Variants in SMAD2 observed in about 807,000 individuals in gnomAD.
SMAD2 encodes SMAD family member 2, also known as MAD homolog 2.
Under a neutral mutation model 64.4 loss-of-function variants are expected in SMAD2, and 8 were observed. That is an observed-to-expected ratio of 0.12 (90% CI 0.07 to 0.22). The LOEUF (loss-of-function observed/expected upper bound fraction) is 0.22, where lower values mean the gene tolerates loss of function less well. Among genes scored for constraint, SMAD2 ranks in the 10% least tolerant of loss-of-function variants. The pLI, the probability that SMAD2 is intolerant of heterozygous loss-of-function variation, is 1.00. For synonymous variants in SMAD2, 203 were observed against 195.8 expected, an observed-to-expected ratio of 1.04 and a Z score of -0.31; for missense variants, 289 against 561.2, an observed-to-expected ratio of 0.51 and a Z score of 4.90.
At chr18:47,913,123 AT>A (rs1167122392) in intron 1 of SMAD2, among the ~76,000 whole-genome samples, 2 of 152,006 alleles carry the variant, frequency 1.3e-5, no homozygotes, top group African/African-American at 4.8e-5. Flanking sequence ...GTTTCACCAT[AT>A]TGGCCAGGCT....
At position 47,816,046 on chromosome 18, in the gene SMAD2, G is replaced by A. The variant is rs530053592; in HGVS notation, c.*25781C>T. 6.6e-6 allele frequency: 1 copy of A among 152,308 alleles called. No homozygotes were observed. The highest frequency in any genetic ancestry group is 1.9e-4 in the East Asian group (1 of 5,176). 9.4% of individuals were successfully genotyped at this position (152,308 alleles called of 1,614,324 possible). On this transcript the variant is annotated 3_prime_UTR_variant, in exon 11 of 11. Transcript: ENST00000262160. The stretch of plus-strand genomic sequence containing the variant: ...GTGAGGGAGGAGGTTGAGAATGAAA[G>A]TTCTGGAGAGTCACCTAAGAGACGG...
chr18:47,900,984 A>G (rs2033660536), intron 1 of SMAD2, among the ~76,000 whole-genome samples: 1 of 152,176 alleles, frequency 6.6e-6, no homozygotes, highest in Non-Finnish European at 1.5e-5. Context: ...GCCCTAGCTT[A>G]TGGTCAATTC....
chr18:47,894,813 T>C lies in SMAD2; in HGVS notation c.236+1708A>G, dbSNP rs574982074. On this transcript the variant is annotated intron_variant, in intron 2 of 10. Transcript: ENST00000262160. ...AGTGAGGAAGAGCACACCAGGCACA[T>C]AGTGGGCATATGATAAATGGTTACC... Among the ~76,000 whole-genome samples the C allele has an allele frequency of 4.9e-4, 74 of 152,298 alleles. 1 individual carries two copies. In the South Asian group the frequency reaches 7.9e-3, roughly 16 times the overall value.
At chr18:47,911,578 T>C (rs1019545462) in intron 1 of SMAD2, among the ~76,000 whole-genome samples, 6 of 152,182 alleles carry the variant, frequency 3.9e-5, no homozygotes, top group African/African-American at 1.4e-4. Flanking sequence ...AATACTGCAT[T>C]GGCAACCTTG....
Position 47,841,166 on chromosome 18 carries a change from AC to A in SMAD2, c.*660del, listed in dbSNP as rs1913919509. On this transcript the variant is annotated 3_prime_UTR_variant, in exon 11 of 11. Transcript: ENST00000262160. ...CAGTTAAAAAAAAAAACAAAAAAAA[AC>A]AAAAAACCACAAAAAGAATGACTGT... 4.3e-6 allele frequency: 1 copy of A among 231,442 alleles called. No individual in the cohort carries two copies. Among genetic ancestry groups the A allele is most frequent in the South Asian group, 1.8e-4 (1 of 5,498 alleles). 14.3% of individuals were successfully genotyped at this position (231,442 alleles called of 1,614,324 possible).
chr18:47,915,194 T>A lies in SMAD2; in HGVS notation c.-54+15167A>T, dbSNP rs545672398. On this transcript the variant is annotated intron_variant, in intron 1 of 10. Transcript: ENST00000262160. Reference sequence around the variant, plus strand: ...CTAAAGCCCCCTATGTATTCCTCTTTGATAACATTTCCCTCCCTCTTGCTT... The same window carrying A: ...CTAAAGCCCCCTATGTATTCCTCTTAGATAACATTTCCCTCCCTCTTGCTT... 6.6e-5 allele frequency among the ~76,000 whole-genome samples: 10 copies of A among 152,344 alleles called. No homozygotes were observed. The South Asian group carries it at 2.1e-3, about 32-fold the overall frequency.
chr18:47,909,892 T>C (rs918194452), intron 1 of SMAD2, among the ~76,000 whole-genome samples: 6 of 152,216 alleles, frequency 3.9e-5, no homozygotes, highest in Admixed American at 3.9e-4. Flanking sequence ...ATTAATAACA[T>C]CTCTAAATCA....
chr18:47,897,629 T>C (rs534125707), intron 1 of SMAD2, among the ~76,000 whole-genome samples: 1 of 152,322 alleles, frequency 6.6e-6, no homozygotes, highest in Admixed American at 6.5e-5. Flanking sequence ...TATCTTGAAA[T>C]TATTTTTTTA....
intron 1 of SMAD2, among the ~76,000 whole-genome samples, chr18:47,929,470 ATT>A: frequency 6.6e-6 from 1 of 152,362 alleles, no homozygotes; most frequent in South Asian, 2.1e-4. Context: ...ATTAACAATT[ATT>A]TTACACATGT....
At chr18:47,847,429 T>G (rs879553427) in intron 8 of SMAD2, among the ~76,000 whole-genome samples, 1 of 152,058 alleles carries the variant, frequency 6.6e-6, no homozygotes, top group South Asian at 2.1e-4. Flanking sequence ...GTGATGAGAA[T>G]GATGTTCAAT....
intron 1 of SMAD2, 120 bp from the exon 2 acceptor site, chr18:47,896,929 T>A: frequency 1.2e-6 from 1 of 863,990 alleles, no homozygotes; most frequent in South Asian, 1.5e-5. Context: ...ACTTTCCCAA[T>A]AGACTTCTCC....
chr18:47,843,137 A>T (rs1914134460), intron 10 of SMAD2, among the ~76,000 whole-genome samples: 1 of 152,194 alleles, frequency 6.6e-6, no homozygotes, highest in Non-Finnish European at 1.5e-5. Flanking sequence ...AGGTATCTGC[A>T]TTTCTGTGCC....
chr18:47,850,420 A>ATATATTTT (rs1678616772), intron 7 of SMAD2, among the ~76,000 whole-genome samples: 1 of 13,014 alleles, frequency 7.7e-5, no homozygotes, highest in African/African-American at 3.2e-4. Context: ...TAATATATAT[A>ATATATTTT]ATATATTATA....
rs774936281 is a variant in SMAD2, at chr18:47,851,258, C to T, written c.784+16G>A. The T allele has an allele frequency of 1.3e-5, 21 of 1,566,554 alleles. No individual in the cohort carries two copies. In the South Asian group the frequency reaches 2.3e-4, roughly 17 times the overall value. On this transcript the variant is annotated intron_variant, in intron 7 of 10. Transcript: ENST00000262160. ...TACAGTATAAAAATGATGAGGGGAA[C>T]ATATGTGCAACTTACCCAAGCTATG...
At chr18:47,867,038 T>C (rs2031613226) in intron 5 of SMAD2, 1 of 152,206 alleles carries the variant, frequency 6.6e-6, no homozygotes, top group Non-Finnish European at 1.5e-5. Context: ...CACTAACGAC[T>C]TAAAATGCCT....
chr18:47,904,094 C>T (rs1249510221), intron 1 of SMAD2, among the ~76,000 whole-genome samples: 1 of 151,846 alleles, frequency 6.6e-6, no homozygotes, highest in South Asian at 2.1e-4. Flanking sequence ...GATGAAAGGC[C>T]GAGCTAGGAT....
chr18:47,858,183 G>A (rs1001992349), intron 6 of SMAD2, among the ~76,000 whole-genome samples: 5 of 152,036 alleles, frequency 3.3e-5, no homozygotes, highest in South Asian at 4.1e-4. Context: ...ATAATCAAGA[G>A]ATAAAACAGT....
At chr18:47,866,762 T>C (rs1272458893) in intron 5 of SMAD2, 2 of 152,186 alleles carry the variant, frequency 1.3e-5, no homozygotes, top group East Asian at 3.8e-4. Flanking sequence ...GTTTTGCTGT[T>C]GCTTGAAACC....
intron 1 of SMAD2, among the ~76,000 whole-genome samples, chr18:47,926,832 T>C (rs8096366): frequency 0.012 from 1,874 of 152,306 alleles, 37 homozygotes; most frequent in African/African-American, 0.043. Context: ...AAGAAATCAT[T>C]TGGGAGGACC....
Sources: gnomAD v4.1 joint callset for allele counts (sites outside exome capture counted in the v4.1 genomes callset) on GRCh38, gnomAD v4.1.1 for gene constraint, MANE v1.5 for transcripts, NCBI Gene and HGNC (gene_info 2026-07-23, HGNC 2026-07-21) for gene names.